The following CDKN3 variants were observed in gnomAD, a reference collection of about 807,000 sequenced individuals.
CDKN3 encodes the protein cyclin-dependent kinase inhibitor 3.
A neutral mutation model predicts 36.1 loss-of-function variants in CDKN3; 19 were observed. The ratio of observed to expected loss-of-function variants is 0.53; its 90% CI spans 0.37 to 0.77. The LOEUF (loss-of-function observed/expected upper bound fraction) is 0.77, where lower values mean the gene tolerates loss of function less well. CDKN3 is among the 30% of genes least tolerant of loss of function. The probability of loss-of-function intolerance (pLI) is 0.00; values close to 1 mark genes in which losing one functional copy is unlikely to be tolerated. For synonymous variants in CDKN3, 71 were observed against 85.3 expected (o/e 0.83, Z 0.92); for missense variants, 188 against 248.6 (o/e 0.76, Z 1.64).
intron 4 of CDKN3, chr14:54,411,186 A>AC (rs1952979651): frequency 3.5e-6 from 1 of 285,060 alleles, no homozygotes; most frequent in Admixed American, 5.0e-5. Context: ...CAAAAAAAAA[A>AC]AAAAAAAAAA....
rs553273252 is a variant in CDKN3 at position 54,400,975 on chromosome 14, G to T, written c.93-549G>T. Among the ~76,000 whole-genome samples, 11 of 152,228 alleles carry T rather than the reference G, an allele frequency of 7.2e-5. 1 individual carries two copies. Among genetic ancestry groups the T allele is most frequent in the Non-Finnish European group, 1.3e-4 (9 of 68,040 alleles). ...CTTAAAATAGTAATGTAGAATAAAT[G>T]CTGGGGAGAAAATTGTCCAATAGTC... On this transcript the variant is annotated intron_variant, in intron 2 of 7. Transcript: ENST00000335183.
At chr14:54,408,700 A>T (rs368737193) in intron 3 of CDKN3, 45 bp from the exon 4 acceptor site, 2 of 1,549,374 alleles carry the variant, frequency 1.3e-6, no homozygotes. Context: ...CCTGTTACAT[A>T]TGACGAAAAA....
chr14:54,400,097 TC>T (rs1225855620), intron 2 of CDKN3, 121 bp downstream of exon 2: 25 of 642,404 alleles, frequency 3.9e-5, no homozygotes, highest in Admixed American at 5.4e-5. Context: ...TAAGGGATTA[TC>T]CCCCTCTGAT....
At position 54,400,091 on chromosome 14, in the gene CDKN3, G is replaced by A. The variant is rs553899856; in HGVS notation, c.92+115G>A. On this transcript the variant is annotated intron_variant, in intron 2 of 7. Transcript: ENST00000335183. ...TAGTTCACATATTGAAAATGTTAAG[G>A]GATTATCCCCCTCTGATTATATAAT... The A allele has an allele frequency of 1.1e-5, 7 of 650,466 alleles. No homozygotes were observed. The African/African-American group carries it at 1.3e-4, about 12-fold the overall frequency. 40.3% of individuals were successfully genotyped at this position (650,466 alleles called of 1,614,324 possible). A position where few individuals can be genotyped will look rare whatever the true frequency, so the allele number is the denominator to read the frequency against.
At chr14:54,401,425 A>C in intron 2 of CDKN3, 99 bp from the exon 3 acceptor site, 1 of 713,434 alleles carries the variant, frequency 1.4e-6, no homozygotes, top group Non-Finnish European at 2.4e-6. Context: ...CTTTAACACA[A>C]CTTTATTTGG....
At position 54,408,755 on chromosome 14, in the gene CDKN3, T is replaced by A. The variant is rs1369133097; in HGVS notation, c.159T>A (p.Phe53Leu). ...TATTATTACTTATAGGTTGTAAATT[T>A]AAAGATGTTAGAAGAAATGTCCAAA... is the stretch of plus-strand genomic sequence containing the variant. Reference protein sequence around the residue: ...LGLCALPGCKFKDVRRNVQKD... With the variant: ...LGLCALPGCKLKDVRRNVQKD... The change falls in exon 4 of 8, where the codon TTT becomes TTA. Residue 53 changes from phenylalanine (F) to leucine (L), a missense_variant. Phe to Leu is a conservative substitution (Grantham distance 22, BLOSUM62 0). Coordinates refer to ENST00000335183, the MANE Select transcript of CDKN3 (RefSeq NM_005192.4). The A allele has an allele frequency of 1.3e-6, 2 of 1,576,312 alleles. No individual in the cohort carries two copies. Among genetic ancestry groups the A allele is most frequent in the Non-Finnish European group, 1.7e-6 (2 of 1,166,794 alleles).
rs377001702 is a variant in CDKN3, at chr14:54,411,623, A to C, written c.333A>C (p.Gly111=). 1 of 1,613,902 alleles carries C rather than the reference A, an allele frequency of 6.2e-7. No individual in the cohort carries two copies. Among genetic ancestry groups the C allele is most frequent in the Non-Finnish European group, 8.5e-7 (1 of 1,179,792 alleles). ...CCCATCATCATCCAATCGCAGATGG[A>C]GGGACTCCTGACATAGCCAGCTGCT... The part of the protein sequence containing the change: ...IITHHHPIAD[G]GTPDIASCCE... The change falls in exon 5 of 8, where the codon GGA becomes GGC. Residue 111 remains glycine, a synonymous_variant. Transcript: ENST00000335183.
intron 5 of CDKN3, chr14:54,414,102 G>C (rs1243736424): frequency 6.1e-6 from 1 of 162,606 alleles, no homozygotes; most frequent in African/African-American, 2.4e-5. Flanking sequence ...GCATGGTGTT[G>C]TCCTTGTGTA....
intron 5 of CDKN3, chr14:54,413,705 C>T: frequency 6.5e-7 from 1 of 1,533,986 alleles, no homozygotes; most frequent in Non-Finnish European, 8.7e-7. Context: ...TATCCTTCAG[C>T]AACAGGATCT....
At chr14:54,407,456 C>T (rs1221865070) in intron 3 of CDKN3, among the ~76,000 whole-genome samples, 1 of 152,230 alleles carries the variant, frequency 6.6e-6, no homozygotes, top group African/African-American at 2.4e-5. Context: ...GCCATCCCTT[C>T]CGCCAGGTGC....
At chr14:54,410,034 G>T (rs1185079484) in intron 4 of CDKN3, among the ~76,000 whole-genome samples, 1 of 152,126 alleles carries the variant, frequency 6.6e-6, no homozygotes, top group Non-Finnish European at 1.5e-5. Flanking sequence ...GAACATTTAG[G>T]TCATAAGCAA....
At chr14:54,418,031 A>G (rs2030608576) in intron 7 of CDKN3, 80 bp downstream of exon 7, 1 of 792,776 alleles carries the variant, frequency 1.3e-6, no homozygotes, top group Non-Finnish European at 2.1e-6. Context: ...CCAAAAGGTT[A>G]CATATGAAAA....
chr14:54,413,975 C>T, intron 5 of CDKN3: 1 of 307,934 alleles, frequency 3.2e-6, no homozygotes, highest in East Asian at 9.3e-5. Context: ...GAGAGTCCTT[C>T]CATGCCTCTT....
intron 6 of CDKN3, among the ~76,000 whole-genome samples, chr14:54,416,763 C>T (rs1028487920): frequency 5.3e-5 from 8 of 152,044 alleles, no homozygotes; most frequent in Non-Finnish European, 7.4e-5. Flanking sequence ...ACCAGTGAAC[C>T]GAGTTTACAC....
At chr14:54,399,652 G>A (rs865902298) in intron 1 of CDKN3, among the ~76,000 whole-genome samples, 2 of 152,190 alleles carry the variant, frequency 1.3e-5, no homozygotes, top group African/African-American at 4.8e-5. Flanking sequence ...GCAGAACCAA[G>A]ATCAGAAGCC....
At chr14:54,412,938 G>T in intron 5 of CDKN3, 1 of 494,086 alleles carries the variant, frequency 2.0e-6, no homozygotes, top group Non-Finnish European at 4.1e-6. Context: ...TAGCCATGGG[G>T]TTCTCAGGGC....
intron 5 of CDKN3, 138 bp downstream of exon 5, chr14:54,411,844 A>C (rs745531371): frequency 9.9e-6 from 7 of 709,912 alleles, no homozygotes; most frequent in Non-Finnish European, 1.8e-5. Flanking sequence ...CTAGGAAAGC[A>C]CTGGCACAAT....
chr14:54,416,007 T>C lies in CDKN3; in HGVS notation c.448+77T>C, dbSNP rs1209552906. The C allele has an allele frequency of 6.4e-6, 7 of 1,086,044 alleles. No homozygotes were observed. In the East Asian group the frequency reaches 1.7e-4, roughly 26 times the overall value. The allele number at this position is 1,086,044 out of a possible 1,614,324, so 67.3% of individuals were successfully genotyped here. A position where few individuals can be genotyped will look rare whatever the true frequency, so the allele number is the denominator to read the frequency against. On this transcript the variant is annotated intron_variant, in intron 6 of 7. Transcript: ENST00000335183. ...GTTTCCAGACCATATGTTCATTTTG[T>C]ATTAAAATGGAACCAAGCAAAATAT... is the stretch of plus-strand genomic sequence containing the variant.
intron 4 of CDKN3, chr14:54,411,176 CAAAA>C (rs376186329): frequency 3.6e-3 from 442 of 123,234 alleles, no homozygotes; most frequent in Middle Eastern, 0.013. Context: ...GACTCCATCT[CAAAA>C]AAAAAAAAAA....
Sources: gnomAD v4.1 joint callset for allele counts (sites outside exome capture counted in the v4.1 genomes callset) on GRCh38, gnomAD v4.1.1 for gene constraint, MANE v1.5 for transcripts, NCBI Gene and HGNC (gene_info 2026-07-23, HGNC 2026-07-21) for gene names.